The following KIAA0586 variants were observed in gnomAD, a reference collection of about 807,000 sequenced individuals.
The protein encoded by KIAA0586 is KIAA0586, also known as protein TALPID3.
KIAA0586 carries 144 observed loss-of-function variants against 169.8 expected under a neutral mutation model. The observed-to-expected ratio is 0.85, with a 90% CI of 0.74 to 0.97. The LOEUF (loss-of-function observed/expected upper bound fraction) is 0.97. Ranked by LOEUF, KIAA0586 falls within the 50% of genes least tolerant of loss-of-function variation. The pLI is 0.00. For missense variants in KIAA0586, 1,854 were observed against 1,823.0 expected, an observed-to-expected ratio of 1.02 and a Z score of -0.31; for synonymous variants, 625 against 612.4, an observed-to-expected ratio of 1.02 and a Z score of -0.30.
intron 21 of KIAA0586, among the ~76,000 whole-genome samples, chr14:58,484,894 A>ATATATATT (rs1555391486): frequency 1.7e-4 from 1 of 5,834 alleles, no homozygotes; most frequent in Non-Finnish European, 2.9e-4. Context: ...ATATATTTAT[A>ATATATATT]TATATATATA....
intron 30 of KIAA0586, among the ~76,000 whole-genome samples, chr14:58,544,319 G>T (rs548458126): frequency 6.6e-6 from 1 of 152,176 alleles, no homozygotes; most frequent in South Asian, 2.1e-4. Flanking sequence ...GAATTGTGCC[G>T]CAGTGAACAT....
Position 58,488,006 on chromosome 14 carries a change from A to G in KIAA0586, c.3424A>G (p.Lys1142Glu). The G allele has an allele frequency of 6.2e-7, 1 of 1,612,278 alleles. No homozygotes were observed. The highest frequency in any genetic ancestry group is 8.5e-7 in the Non-Finnish European group (1 of 1,179,178). Reference sequence around the variant, plus strand: ...GTCAGATATTTCCATTGATAAATTGAAGGTATCAAGCCCAGAGCTTCCCAA... The same window carrying G: ...GTCAGATATTTCCATTGATAAATTGGAGGTATCAAGCCCAGAGCTTCCCAA... ...TLSDISIDKL[K>E]VSSPELPKPW... The change falls in exon 23 of 31, where the codon AAG (lysine) becomes GAG (glutamate). Residue 1142 changes from lysine to glutamate, a missense_variant. By Grantham distance (56) the Lys-to-Glu change is moderately conservative (BLOSUM62 1). Transcript: ENST00000652326.
Position 58,444,155 on chromosome 14 carries a change from C to CA in KIAA0586, c.789dup (p.Gln264ThrfsTer11), listed in dbSNP as rs1203751352. The CA allele has an allele frequency of 3.7e-6, 6 of 1,609,240 alleles. No individual in the cohort carries two copies. In the Admixed American group the frequency reaches 1.0e-4, roughly 27 times the overall value. On this transcript the variant is annotated frameshift_variant, in exon 6 of 31. Transcript: ENST00000652326. LOFTEE classifies it high-confidence loss of function. ...CATAAGGCATCTTGAAAAGTTACAA[C>CA]AACAACAAATAGATATTCAGGTATC...
At chr14:58,462,084 A>G (rs1476182572) in intron 14 of KIAA0586, among the ~76,000 whole-genome samples, 1 of 152,198 alleles carries the variant, frequency 6.6e-6, no homozygotes, top group Non-Finnish European at 1.5e-5. Flanking sequence ...TATGGTGGTT[A>G]CTTTGGTTCC....
chr14:58,541,909 A>G (rs2046657977), intron 30 of KIAA0586, among the ~76,000 whole-genome samples: 1 of 152,210 alleles, frequency 6.6e-6, no homozygotes, highest in Non-Finnish European at 1.5e-5. Context: ...AAACAATTAC[A>G]TCATAGAGTA....
chr14:58,524,638 A>T (rs2045454945), intron 29 of KIAA0586, among the ~76,000 whole-genome samples: 1 of 152,222 alleles, frequency 6.6e-6, no homozygotes, highest in Non-Finnish European at 1.5e-5. Context: ...TCAGCTATTT[A>T]CCAGCTGGTG....
intron 6 of KIAA0586, among the ~76,000 whole-genome samples, chr14:58,447,468 ATTTTATTTTG>A (rs753536316): frequency 2.4e-3 from 353 of 149,030 alleles, no homozygotes; most frequent in Middle Eastern, 0.01. Context: ...ATTTTATTTT[ATTTTATTTTG>A]TTTTATTTTA....
chr14:58,461,640 T>G (rs951943061), intron 14 of KIAA0586, among the ~76,000 whole-genome samples: 1 of 152,102 alleles, frequency 6.6e-6, no homozygotes, highest in African/African-American at 2.4e-5. Flanking sequence ...TTTCACCACA[T>G]TGCCCACAGT....
At chr14:58,436,909 A>G (rs1177740768) in intron 4 of KIAA0586, among the ~76,000 whole-genome samples, 1 of 152,238 alleles carries the variant, frequency 6.6e-6, no homozygotes, top group African/African-American at 2.4e-5. Flanking sequence ...CTGGAGAGAT[A>G]AGCAAGGGAC....
At position 58,472,240 on chromosome 14, in the gene KIAA0586, TC is replaced by T; in HGVS notation, c.2597del (p.Pro866GlnfsTer8). The T allele has an allele frequency of 6.3e-7, 1 of 1,587,480 alleles. No homozygotes were observed. The highest frequency in any genetic ancestry group is 8.6e-7 in the Non-Finnish European group (1 of 1,167,670). On this transcript the variant is annotated frameshift_variant, in exon 18 of 31. Transcript: ENST00000652326. LOFTEE classifies it high-confidence loss of function. ...MKVDEEEVKF[P>X]GTNFDEIIDV... ...AGGTAGATGAAGAAGAGGTGAAGTT[TC>T]CAGGAACTAACTTTGATGAAATAAT...
Position 58,460,560 on chromosome 14 carries a change from CT to C in KIAA0586, c.1885-425del, listed in dbSNP as rs537843026. ...ATTGTTGAGCAGATCAGTAAAGCAT[CT>C]AATTCAATGCTTATACTTAGTAGAT... is the stretch of plus-strand genomic sequence containing the variant. On this transcript the variant is annotated intron_variant, in intron 13 of 30. Transcript: ENST00000652326. Among the ~76,000 whole-genome samples, 397 of 152,248 alleles carry C rather than the reference CT, an allele frequency of 2.6e-3. 2 individuals carry two copies. The highest frequency in any genetic ancestry group is 3.1e-3 in the Non-Finnish European group (208 of 67,990).
At chr14:58,453,584 T>A in intron 9 of KIAA0586, 111 bp downstream of exon 9, 1 of 685,642 alleles carries the variant, frequency 1.5e-6, no homozygotes, top group Non-Finnish European at 2.3e-6. Flanking sequence ...AAATTTATCT[T>A]AGATTTAGTT....
intron 25 of KIAA0586, among the ~76,000 whole-genome samples, chr14:58,491,607 G>A (rs936892110): frequency 3.9e-5 from 6 of 152,236 alleles, no homozygotes; most frequent in African/African-American, 1.2e-4. Flanking sequence ...TATACAGGGT[G>A]CTCCAGTGAG....
chr14:58,505,826 T>A (rs760115597), intron 27 of KIAA0586, among the ~76,000 whole-genome samples: 8 of 152,200 alleles, frequency 5.3e-5, no homozygotes, highest in African/African-American at 1.9e-4. Context: ...CTACTATTTG[T>A]ATTGTAAATA....
In KIAA0586 at chr14:58,461,022, G is replaced by C; in HGVS notation, c.1921G>C (p.Asp641His). The C allele has an allele frequency of 6.2e-7, 1 of 1,610,466 alleles. No homozygotes were observed. Among genetic ancestry groups the C allele is most frequent in the Non-Finnish European group, 8.5e-7 (1 of 1,178,664 alleles). The change falls in exon 14 of 31, where the codon GAT (aspartate) becomes CAT (histidine). Residue 641 changes from aspartate to histidine, a missense_variant. Asp to His is a moderately conservative substitution (Grantham distance 81). Coordinates refer to ENST00000652326, the MANE Select transcript of KIAA0586 (RefSeq NM_001329943.3). The part of the protein sequence containing the change: ...LKATTVIQDE[D>H]YMLQVYGKPV... The stretch of plus-strand genomic sequence containing the variant: ...AGCAACCACAGTAATACAAGATGAA[G>C]ATTATATGTTACAAGTCTATGGAAA...
At position 58,428,461 on chromosome 14, in the gene KIAA0586, G is replaced by A. The variant is rs754893103; in HGVS notation, c.197G>A (p.Arg66His). The A allele has an allele frequency of 6.3e-7, 1 of 1,598,018 alleles. No individual in the cohort carries two copies. The highest frequency in any genetic ancestry group is 1.1e-5 in the South Asian group (1 of 90,662). The change falls in exon 1 of 31, where the codon CGT (arginine) becomes CAT (histidine). Residue 66 changes from arginine (R) to histidine (H), a missense_variant and splice_region_variant. Coordinates refer to ENST00000652326, the MANE Select transcript of KIAA0586 (RefSeq NM_001329943.3). ...GTGTSLNGTS[R>H]GSSDLTSARN... ...GGGACTAGTTTGAATGGAACATCAC[G>A]TGGTATGTGATTCCATGTAGTTTTT... is the stretch of plus-strand genomic sequence containing the variant.
intron 29 of KIAA0586, among the ~76,000 whole-genome samples, chr14:58,519,938 C>T (rs147744339): frequency 3.2e-4 from 48 of 152,302 alleles, no homozygotes; most frequent in African/African-American, 1.1e-3. Context: ...TGTAGACAGT[C>T]GTGCAAACAG....
chr14:58,515,212 G>A (rs550445556), intron 29 of KIAA0586, among the ~76,000 whole-genome samples: 16 of 151,710 alleles, frequency 1.1e-4, no homozygotes, highest in African/African-American at 3.9e-4. Context: ...GCAGTTTTTA[G>A]TTTTTCTTAT....
chr14:58,463,837 AAATT>A, intron 14 of KIAA0586: 1 of 264,486 alleles, frequency 3.8e-6, no homozygotes, highest in Non-Finnish European at 7.7e-6. Context: ...AAAAAAAAAA[AAATT>A]AGATACATTA....
Sources: gnomAD v4.1 joint callset for allele counts (sites outside exome capture counted in the v4.1 genomes callset) on GRCh38, gnomAD v4.1.1 for gene constraint, MANE v1.5 for transcripts, NCBI Gene and HGNC (gene_info 2026-07-23, HGNC 2026-07-21) for gene names.